MYO5B: variants seen among roughly 807,000 people sequenced by gnomAD.
The protein encoded by MYO5B is unconventional myosin-Vb.
A neutral mutation model predicts 229.3 loss-of-function variants in MYO5B; 143 were observed. The ratio of observed to expected loss-of-function variants is 0.62; its 90% CI spans 0.54 to 0.72. The LOEUF (loss-of-function observed/expected upper bound fraction) is 0.72. Among genes scored for constraint, MYO5B ranks in the 30% least tolerant of loss-of-function variants. MYO5B has a pLI of 0.00. For synonymous variants in MYO5B, 918 were observed against 885.2 expected (o/e 1.04, Z -0.66); for missense variants, 2,321 against 2,331.0 (o/e 1.00, Z 0.09).
chr18:50,114,296 A>G (rs2031918364), intron 1 of MYO5B, among the ~76,000 whole-genome samples: 1 of 152,210 alleles, frequency 6.6e-6, no homozygotes, highest in African/African-American at 2.4e-5. Context: ...ATTTTGGAGA[A>G]TGCACAGAAA....
At chr18:49,904,873 A>T (rs1388354324) in intron 19 of MYO5B, 45 bp from the exon 20 acceptor site, 4 of 1,605,236 alleles carry the variant, frequency 2.5e-6, no homozygotes, top group Admixed American at 3.4e-5. Flanking sequence ...GAGAGTATTG[A>T]CCGCCCTGAT....
intron 1 of MYO5B, among the ~76,000 whole-genome samples, chr18:50,089,147 A>C (rs889798920): frequency 6.6e-6 from 1 of 152,176 alleles, no homozygotes; most frequent in African/African-American, 2.4e-5. Flanking sequence ...TGGGAGACCA[A>C]GGTGGACAGA....
At chr18:50,079,302 C>G (rs1393481328) in intron 1 of MYO5B, among the ~76,000 whole-genome samples, 1 of 152,218 alleles carries the variant, frequency 6.6e-6, no homozygotes, top group South Asian at 2.1e-4. Flanking sequence ...TATATTGTCT[C>G]CCCCAGAATC....
intron 1 of MYO5B, among the ~76,000 whole-genome samples, chr18:50,106,069 T>TC (rs1194889039): frequency 6.6e-6 from 1 of 152,082 alleles, no homozygotes; most frequent in Non-Finnish European, 1.5e-5. Flanking sequence ...CTCCGCCTGC[T>TC]CCCTTCCCTG....
At chr18:50,122,628 G>A (rs1240723590) in intron 1 of MYO5B, among the ~76,000 whole-genome samples, 2 of 2,556 alleles carry the variant, frequency 7.8e-4, no homozygotes, top group Admixed American at 6.8e-3. Flanking sequence ...GGGAGGGAAG[G>A]GGGGGGGAGA....
chr18:50,180,817 G>A (rs998723353), intron 1 of MYO5B, among the ~76,000 whole-genome samples: 1 of 152,102 alleles, frequency 6.6e-6, no homozygotes, highest in Non-Finnish European at 1.5e-5. Context: ...TGCCCTCAAG[G>A]TTCATCCTTG....
chr18:49,902,456 G>A (rs2024852343), intron 21 of MYO5B, 138 bp downstream of exon 21: 1 of 1,156,110 alleles, frequency 8.6e-7, no homozygotes, highest in Non-Finnish European at 1.3e-6. Context: ...GCCACAGTTA[G>A]TATCTGCTGT....
intron 16 of MYO5B, among the ~76,000 whole-genome samples, chr18:49,934,826 T>TTA (rs1358579047): frequency 6.6e-6 from 1 of 152,220 alleles, no homozygotes; most frequent in Non-Finnish European, 1.5e-5. Flanking sequence ...AAGCCAAGCT[T>TTA]TATTACATGA....
At chr18:50,011,094 G>A (rs943903653) in intron 4 of MYO5B, among the ~76,000 whole-genome samples, 1 of 152,324 alleles carries the variant, frequency 6.6e-6, no homozygotes, top group Admixed American at 6.5e-5. Context: ...TGTAATCCCA[G>A]CACTTTGGGA....
chr18:49,965,455 T>TCACACACACACACACA lies in MYO5B; in HGVS notation c.1323-2441_1323-2426dup, dbSNP rs57101973. 7.8e-3 allele frequency among the ~76,000 whole-genome samples: 1,145 copies of TCACACACACACACACA among 147,196 alleles called. 20 individuals carry two copies. Among genetic ancestry groups the TCACACACACACACACA allele is most frequent in the African/African-American group, 0.027 (1,053 of 39,520 alleles). On this transcript the variant is annotated intron_variant, in intron 10 of 39. Coordinates refer to ENST00000285039, the MANE Select transcript of MYO5B (RefSeq NM_001080467.3). ...TCTTTTCATACAAACACACTTCTTT[T>TCACACACACACACACA]CACACACACACACACACACACACAC...
intron 1 of MYO5B, among the ~76,000 whole-genome samples, chr18:50,148,643 C>T (rs1418036957): frequency 6.6e-6 from 1 of 151,058 alleles, no homozygotes; most frequent in Admixed American, 6.6e-5. Flanking sequence ...AACCTTCATG[C>T]TAAAAACTCT....
At chr18:50,146,940 C>T (rs1323440525) in intron 1 of MYO5B, among the ~76,000 whole-genome samples, 2 of 152,166 alleles carry the variant, frequency 1.3e-5, no homozygotes, top group African/African-American at 4.8e-5. Flanking sequence ...CTGTCCCCCT[C>T]AGAGTATTTT....
intron 9 of MYO5B, among the ~76,000 whole-genome samples, chr18:49,978,218 G>A (rs185843692): frequency 1.7e-4 from 26 of 152,202 alleles, no homozygotes; most frequent in Middle Eastern, 3.4e-3. Flanking sequence ...AAGAGGCCCT[G>A]ATGTTCCCAC....
intron 10 of MYO5B, among the ~76,000 whole-genome samples, chr18:49,965,037 G>A (rs185670583): frequency 1.3e-5 from 2 of 152,366 alleles, no homozygotes; most frequent in Admixed American, 6.5e-5. Flanking sequence ...AGACCGGCAG[G>A]AGAACAACTG....
At chr18:50,017,194 T>C (rs998070719) in intron 4 of MYO5B, among the ~76,000 whole-genome samples, 4 of 152,188 alleles carry the variant, frequency 2.6e-5, no homozygotes, top group African/African-American at 9.7e-5. Context: ...CTCAGCTCAC[T>C]GCAACCTCCA....
chr18:50,096,210 A>G (rs2031547092), intron 1 of MYO5B, among the ~76,000 whole-genome samples: 1 of 152,198 alleles, frequency 6.6e-6, no homozygotes, highest in South Asian at 2.1e-4. Context: ...AAAGAAAGGC[A>G]GCTCCATGAT....
intron 4 of MYO5B, among the ~76,000 whole-genome samples, chr18:50,033,474 C>T (rs1171552745): frequency 6.6e-6 from 1 of 152,172 alleles, no homozygotes; most frequent in Non-Finnish European, 1.5e-5. Context: ...TCTCTCCCAC[C>T]AGACAGTGAG....
At position 49,947,538 on chromosome 18, in the gene MYO5B, T is replaced by C. The variant is rs140112386; in HGVS notation, c.1752+5722A>G. 7.6e-3 allele frequency among the ~76,000 whole-genome samples: 1,153 copies of C among 152,324 alleles called. 9 individuals are homozygous for C. Among genetic ancestry groups the C allele is most frequent in the African/African-American group, 0.022 (925 of 41,568 alleles). On this transcript the variant is annotated intron_variant, in intron 14 of 39. Transcript: ENST00000285039. ...ATACATGGGGTACCTAGTTTTGACA[T>C]ATATAGTGTATAGTAATCAGATCAG...
chr18:50,178,927 T>C (rs2033034113), intron 1 of MYO5B, among the ~76,000 whole-genome samples: 1 of 151,790 alleles, frequency 6.6e-6, no homozygotes, highest in Admixed American at 6.6e-5. Flanking sequence ...TTATTAAAGA[T>C]GGATTACAGA....
Sources: allele counts gnomAD v4.1 joint callset (sites outside exome capture counted in the v4.1 genomes callset), GRCh38; gene constraint gnomAD v4.1.1; transcripts MANE v1.5; gene names NCBI Gene and HGNC (gene_info 2026-07-23, HGNC 2026-07-21).